Variants in CDH13 observed in about 807,000 individuals in gnomAD.
CDH13 encodes cadherin 13, also known as cadherin-13.
In CDH13, 24 loss-of-function variants were observed where a neutral mutation model predicts 63.8. The observed-to-expected ratio is 0.38, with a 90% CI of 0.27 to 0.53. CDH13 has a LOEUF of 0.53. CDH13 is among the 20% of genes least tolerant of loss of function. The pLI, the probability that CDH13 is intolerant of heterozygous loss-of-function variation, is 0.85. For missense variants in CDH13, 1,049 were observed against 903.1 expected, an observed-to-expected ratio of 1.16 and a Z score of -2.07; for synonymous variants, 503 against 355.3, an observed-to-expected ratio of 1.42 and a Z score of -4.67.
At chr16:82,775,747 T>C (rs964866850) in intron 1 of CDH13, among the ~76,000 whole-genome samples, 2 of 152,186 alleles carry the variant, frequency 1.3e-5, no homozygotes, top group African/African-American at 4.8e-5. Flanking sequence ...TGGGTAAAGC[T>C]CTGAGCACAG....
chr16:83,525,167 G>A (rs2074932132), intron 7 of CDH13, among the ~76,000 whole-genome samples: 1 of 152,116 alleles, frequency 6.6e-6, no homozygotes, highest in Non-Finnish European at 1.5e-5. Context: ...TGTGCCTCAT[G>A]TCCATCCTTT....
rs1387904592 is a variant in CDH13, at chr16:83,795,126, G to A, written c.*96G>A. ...CTGAAGATTGCGGTTTACAGCTATC[G>A]AACTTCACAACTAGGCCTCAATTGT... is the stretch of plus-strand genomic sequence containing the variant. On this transcript the variant is annotated 3_prime_UTR_variant, in exon 14 of 14. Transcript: ENST00000567109. 6.6e-6 allele frequency: 7 copies of A among 1,055,918 alleles called. No individual in the cohort carries two copies. The highest frequency in any genetic ancestry group is 5.2e-5 in the East Asian group (2 of 38,450). 65.4% of individuals were successfully genotyped at this position (1,055,918 alleles called of 1,614,324 possible).
At chr16:83,502,919 C>A (rs2074314223) in intron 7 of CDH13, among the ~76,000 whole-genome samples, 1 of 152,176 alleles carries the variant, frequency 6.6e-6, no homozygotes, top group African/African-American at 2.4e-5. Flanking sequence ...GCCATCCCAC[C>A]CAACCAGCCT....
rs1175904710 is a variant in CDH13 at position 83,252,181 on chromosome 16, G to A, written c.636+34684G>A. Among the ~76,000 whole-genome samples, 9 of 147,534 alleles carry A rather than the reference G, an allele frequency of 6.1e-5. No homozygotes were observed. In the East Asian group the frequency reaches 1.8e-3, roughly 29 times the overall value. Reference sequence around the variant, plus strand: ...TTAAGTTACTGTGCTAGGCATGCCTGGAAGTCTCCCCACCCCTAATGCATT... The same window carrying A: ...TTAAGTTACTGTGCTAGGCATGCCTAGAAGTCTCCCCACCCCTAATGCATT... On this transcript the variant is annotated intron_variant, in intron 5 of 13. Coordinates refer to ENST00000567109, the MANE Select transcript of CDH13 (RefSeq NM_001257.5).
At chr16:82,809,619 T>C (rs1253517403) in intron 1 of CDH13, among the ~76,000 whole-genome samples, 2 of 152,178 alleles carry the variant, frequency 1.3e-5, no homozygotes, top group African/African-American at 2.4e-5. Flanking sequence ...CCTTGATTTA[T>C]GTACGTACTT....
At chr16:83,024,060 G>T (rs1422285324) in intron 2 of CDH13, among the ~76,000 whole-genome samples, 1 of 151,992 alleles carries the variant, frequency 6.6e-6, no homozygotes, top group Non-Finnish European at 1.5e-5. Context: ...TCTGATATTT[G>T]GATATCATAG....
chr16:83,077,009 A>G (rs902248738), intron 3 of CDH13, among the ~76,000 whole-genome samples: 1 of 152,056 alleles, frequency 6.6e-6, no homozygotes, highest in African/African-American at 2.4e-5. Context: ...AAGTTTCTTC[A>G]TGACCTTCCT....
At chr16:83,779,331 C>T (rs913775401) in intron 11 of CDH13, among the ~76,000 whole-genome samples, 9 of 132,046 alleles carry the variant, frequency 6.8e-5, no homozygotes, top group African/African-American at 2.5e-4. Context: ...CGCTTGAACC[C>T]GGGAGGCGGA....
At chr16:83,040,980 A>G (rs1016454053) in intron 3 of CDH13, among the ~76,000 whole-genome samples, 17 of 152,296 alleles carry the variant, frequency 1.1e-4, no homozygotes, top group Non-Finnish European at 2.1e-4. Flanking sequence ...AACTTACACC[A>G]TCACCACTCT....
At chr16:83,158,984 C>T (rs569220178) in intron 4 of CDH13, among the ~76,000 whole-genome samples, 1 of 152,300 alleles carries the variant, frequency 6.6e-6, no homozygotes, top group African/African-American at 2.4e-5. Context: ...ATCTGAATTT[C>T]ATCCTTTGCC....
chr16:83,690,169 C>T (rs547951916), intron 10 of CDH13, among the ~76,000 whole-genome samples: 191 of 151,896 alleles, frequency 1.3e-3, no homozygotes, highest in African/African-American at 4.4e-3. Context: ...GCAAAAACTC[C>T]GTCTCAAAAA....
chr16:83,481,066 G>C (rs1005870665), intron 6 of CDH13, among the ~76,000 whole-genome samples: 4 of 152,276 alleles, frequency 2.6e-5, no homozygotes, highest in Non-Finnish European at 5.9e-5. Context: ...TGCCTCCTCT[G>C]GTGAGTTTGA....
chr16:82,916,203 G>A (rs2041982912), intron 2 of CDH13, among the ~76,000 whole-genome samples: 1 of 152,072 alleles, frequency 6.6e-6, no homozygotes, highest in Non-Finnish European at 1.5e-5. Context: ...TGCAATATGG[G>A]CTGCGGAAAT....
chr16:83,248,411 A>C (rs1308056658), intron 5 of CDH13, among the ~76,000 whole-genome samples: 1 of 152,150 alleles, frequency 6.6e-6, no homozygotes, highest in East Asian at 1.9e-4. Context: ...CTAGATCAGC[A>C]GCCGCAAATC....
chr16:83,644,660 A>T lies in CDH13; in HGVS notation c.1102-26130A>T, dbSNP rs564985178. 2.6e-5 allele frequency among the ~76,000 whole-genome samples: 4 copies of T among 152,346 alleles called. No individual in the cohort carries two copies. In the East Asian group the frequency reaches 7.7e-4, roughly 29 times the overall value. ...CCACTGCAAATGGGCTGCCATACAG[A>T]GGATGAGGTTCATGGTCCAGAAACG... On this transcript the variant is annotated intron_variant, in intron 8 of 13. Transcript: ENST00000567109.
intron 7 of CDH13, among the ~76,000 whole-genome samples, chr16:83,573,221 G>C (rs1015623458): frequency 2.6e-5 from 4 of 152,238 alleles, no homozygotes; most frequent in Admixed American, 2.0e-4. Context: ...GTTGGAGTAT[G>C]CCTAGGAGCT....
At chr16:83,482,491 G>A (rs116065383) in intron 6 of CDH13, among the ~76,000 whole-genome samples, 6 of 152,226 alleles carry the variant, frequency 3.9e-5, no homozygotes, top group South Asian at 2.1e-4. Flanking sequence ...TGTTTGCCAC[G>A]TATTTCCCAA....
chr16:82,699,862 T>C (rs2030774495), intron 1 of CDH13, among the ~76,000 whole-genome samples: 1 of 152,206 alleles, frequency 6.6e-6, no homozygotes, highest in Admixed American at 6.5e-5. Context: ...TAATACAGCT[T>C]ATGAAGGTCC....
chr16:82,635,034 A>C (rs1026078203), intron 1 of CDH13, among the ~76,000 whole-genome samples: 1 of 152,238 alleles, frequency 6.6e-6, no homozygotes, highest in African/African-American at 2.4e-5. Flanking sequence ...AGATGGAGAC[A>C]ACTGTGATGA....
Sources: gnomAD v4.1 joint callset for allele counts (sites outside exome capture counted in the v4.1 genomes callset) on GRCh38, gnomAD v4.1.1 for gene constraint, MANE v1.5 for transcripts, NCBI Gene and HGNC (gene_info 2026-07-23, HGNC 2026-07-21) for gene names.